Variants in RYR3 observed in about 807,000 individuals in gnomAD.
The protein encoded by RYR3 is ryanodine receptor 3, also known as brain ryanodine receptor-calcium release channel.
RYR3 carries 207 observed loss-of-function variants against 584.3 expected under a neutral mutation model. The observed-to-expected ratio is 0.35, with a 90% confidence interval of 0.32 to 0.40. The LOEUF is 0.40. RYR3 is among the 10% of genes least tolerant of loss of function. RYR3 has a pLI of 1.00. For synonymous variants in RYR3, 2,416 were observed against 2,248.5 expected (o/e 1.07, Z -2.11); for missense variants, 5,616 against 6,089.2 (o/e 0.92, Z 2.59).
intron 38 of RYR3, among the ~76,000 whole-genome samples, chr15:33,693,462 G>C (rs1445866896): frequency 6.6e-6 from 1 of 152,262 alleles, no homozygotes; most frequent in Non-Finnish European, 1.5e-5. Context: ...CACACCAAAG[G>C]AGACAAAGCT....
At chr15:33,469,963 T>G (rs1465739) in intron 1 of RYR3, among the ~76,000 whole-genome samples, 97,788 of 151,940 alleles carry the variant, frequency 0.64, 32,537 homozygotes, top group African/African-American at 0.83. Flanking sequence ...ATTTTAGGGA[T>G]CCTGGGCATG....
Position 33,860,621 on chromosome 15 carries a change from C to A in RYR3, c.14326C>A (p.Leu4776Ile), listed in dbSNP as rs779425327. Reference protein sequence around the residue: ...QGLIIDAFGELRDQQEQVRED... With the variant: ...QGLIIDAFGEIRDQQEQVRED... ...TCTTATTATTGATGCTTTCGGAGAG[C>A]TAAGAGACCAGCAGGAACAAGTACG... is the stretch of plus-strand genomic sequence containing the variant. The change falls in exon 101 of 104, where the codon CTA becomes ATA. Residue 4776 changes from leucine to isoleucine, a missense_variant. Coordinates refer to ENST00000634891, the MANE Select transcript of RYR3 (RefSeq NM_001036.6). 7.5e-6 allele frequency: 12 copies of A among 1,593,154 alleles called. No individual in the cohort carries two copies.
intron 1 of RYR3, among the ~76,000 whole-genome samples, chr15:33,335,689 G>A (rs1444694716): frequency 6.6e-6 from 1 of 150,438 alleles, no homozygotes; most frequent in African/African-American, 2.5e-5. Context: ...GTACACTTGA[G>A]CTTAAAATAA....
chr15:33,821,941 G>A (rs1309956959), intron 80 of RYR3, among the ~76,000 whole-genome samples: 1 of 152,078 alleles, frequency 6.6e-6, no homozygotes, highest in Non-Finnish European at 1.5e-5. Context: ...CTAATTAGCT[G>A]CCTTTAGTAT....
intron 38 of RYR3, among the ~76,000 whole-genome samples, chr15:33,673,806 C>T (rs183366925): frequency 1.8e-4 from 27 of 152,350 alleles, no homozygotes; most frequent in Admixed American, 7.2e-4. Flanking sequence ...GGAAGCTCCA[C>T]GCTGGCATCT....
rs760390745 is a variant in RYR3 at position 33,835,030 on chromosome 15, C to T, written c.11526C>T (p.Gly3842=). ...GCAGGCTGTGGGACGCAGTGGTTGGCTTCCTCCATGTCTTTGCTAATATGC... is the reference window on the plus strand; with the variant it reads ...GCAGGCTGTGGGACGCAGTGGTTGGTTTCCTCCATGTCTTTGCTAATATGC... ...AHSRLWDAVV[G]FLHVFANMQM... is the part of the protein sequence containing the mutation. Residue 3842 remains glycine, a synonymous_variant, in exon 87 of 104, where the codon GGC becomes GGT. Transcript: ENST00000634891. 4 of 1,613,926 alleles carry T rather than the reference C, an allele frequency of 2.5e-6. No individual in the cohort carries two copies. Among genetic ancestry groups the T allele is most frequent in the Non-Finnish European group, 2.5e-6 (3 of 1,179,870 alleles).
chr15:33,317,376 G>A (rs555541472), intron 1 of RYR3, among the ~76,000 whole-genome samples: 2 of 152,286 alleles, frequency 1.3e-5, no homozygotes, highest in East Asian at 3.9e-4. Flanking sequence ...GGAGAGCCCA[G>A]CCAGTGGTGA....
In RYR3 at chr15:33,788,248, G is replaced by T; in HGVS notation, c.9620G>T (p.Arg3207Met). Reference protein sequence around the residue: ...VYAQPIISKARPDLLRSHFIP... With the variant: ...VYAQPIISKAMPDLLRSHFIP... ...GCACAGCCCATCATCAGCAAAGCCA[G>T]GCCCGACCTGCTGAGAAGCCACTTC... Residue 3207 changes from arginine to methionine, a missense_variant, in exon 67 of 104, where the codon AGG (arginine) becomes ATG (methionine). This residue lies in a region of RYR3 where 954 missense variants were observed against 1,132.2 expected (regional missense o/e 0.84). Transcript: ENST00000634891. 1 of 1,613,996 alleles carries T rather than the reference G, an allele frequency of 6.2e-7. No homozygotes were observed. The highest frequency in any genetic ancestry group is 8.5e-7 in the Non-Finnish European group (1 of 1,179,884).
chr15:33,374,283 A>G (rs1293480026), intron 1 of RYR3, among the ~76,000 whole-genome samples: 1 of 151,834 alleles, frequency 6.6e-6, no homozygotes, highest in Non-Finnish European at 1.5e-5. Context: ...CTCTAAGCTC[A>G]TCTCTCATTT....
At chr15:33,577,874 C>G (rs1465624257) in intron 12 of RYR3, among the ~76,000 whole-genome samples, 1 of 151,840 alleles carries the variant, frequency 6.6e-6, no homozygotes, top group Non-Finnish European at 1.5e-5. Flanking sequence ...CTCCATCTGA[C>G]AAAAGTCTAA....
At chr15:33,329,735 G>C (rs957991356) in intron 1 of RYR3, among the ~76,000 whole-genome samples, 1 of 152,174 alleles carries the variant, frequency 6.6e-6, no homozygotes, top group African/African-American at 2.4e-5. Context: ...ACAAAGGATA[G>C]TCTATTTTTC....
At chr15:33,609,501 CA>C (rs2060065214) in intron 18 of RYR3, among the ~76,000 whole-genome samples, 1 of 152,168 alleles carries the variant, frequency 6.6e-6, no homozygotes, top group Non-Finnish European at 1.5e-5. Flanking sequence ...ACTGAAAATA[CA>C]AAAATTATCT....
intron 38 of RYR3, among the ~76,000 whole-genome samples, chr15:33,687,237 A>G (rs2065074758): frequency 1.3e-5 from 2 of 152,264 alleles, no homozygotes; most frequent in South Asian, 4.1e-4. Context: ...TACAAAATCC[A>G]TGTGTAAAAA....
At chr15:33,862,502 G>A (rs1236917380) in intron 102 of RYR3, among the ~76,000 whole-genome samples, 4 of 152,178 alleles carry the variant, frequency 2.6e-5, no homozygotes, top group African/African-American at 9.7e-5. Flanking sequence ...CCACTGGGCT[G>A]AGCCCTCATC....
At chr15:33,573,345 T>C (rs1257110414) in intron 12 of RYR3, among the ~76,000 whole-genome samples, 2 of 152,146 alleles carry the variant, frequency 1.3e-5, no homozygotes, top group Non-Finnish European at 2.9e-5. Flanking sequence ...ACCAACTTTG[T>C]ATGCTGTGTG....
intron 73 of RYR3, 118 bp downstream of exon 73, chr15:33,813,112 C>T: frequency 3.0e-6 from 4 of 1,314,468 alleles, no homozygotes; most frequent in Non-Finnish European, 4.2e-6. Context: ...AAACAAGGAC[C>T]AAGGATCATC....
At chr15:33,713,833 C>A (rs891015729) in intron 43 of RYR3, among the ~76,000 whole-genome samples, 2 of 152,148 alleles carry the variant, frequency 1.3e-5, no homozygotes, top group African/African-American at 2.4e-5. Context: ...AGAGGCAAGG[C>A]AGCTCTCTGG....
Position 33,738,453 on chromosome 15 carries a change from C to A in RYR3, c.7519C>A (p.Leu2507Met). The part of the protein sequence containing the change: ...NEYCKMPLKL[L>M]TNHYEQCWKY... ...TGTCCTGTTCTGCACCTCCCAGCTT[C>A]TGACGAATCACTATGAACAGTGTTG... The change falls in exon 50 of 104, where the codon CTG becomes ATG. Residue 2507 changes from leucine to methionine, a missense_variant. Around this residue, in one of 9 missense-constraint regions of RYR3, gnomAD observed 1,280 missense variants for 1,426.2 expected, o/e 0.90. Transcript: ENST00000634891. 1.2e-6 allele frequency: 2 copies of A among 1,612,902 alleles called. No individual in the cohort carries two copies. Among genetic ancestry groups the A allele is most frequent in the Non-Finnish European group, 1.7e-6 (2 of 1,179,360 alleles).
At chr15:33,411,354 G>A (rs1346797542) in intron 1 of RYR3, among the ~76,000 whole-genome samples, 1 of 152,210 alleles carries the variant, frequency 6.6e-6, no homozygotes, top group Non-Finnish European at 1.5e-5. Context: ...AGGCAGCTGT[G>A]CAGCCTGCCT....
Sources: allele counts gnomAD v4.1 joint callset (sites outside exome capture counted in the v4.1 genomes callset), GRCh38; gene constraint gnomAD v4.1.1; regional missense constraint gnomAD v4.1.1; transcripts MANE v1.5; gene names NCBI Gene and HGNC (gene_info 2026-07-23, HGNC 2026-07-21).